Variants in CNKSR3 observed in about 807,000 individuals in gnomAD.
CNKSR3 encodes CNKSR family member 3.
A neutral mutation model predicts 67.7 loss-of-function variants in CNKSR3; 36 were observed. The observed-to-expected ratio is 0.53, with a 90% confidence interval of 0.41 to 0.70. The LOEUF (loss-of-function observed/expected upper bound fraction) is 0.70. Among genes scored for constraint, CNKSR3 ranks in the 30% least tolerant of loss-of-function variants. The probability of loss-of-function intolerance (pLI) is 0.00; values close to 1 mark genes in which losing one functional copy is unlikely to be tolerated. For missense variants in CNKSR3, 630 were observed against 695.2 expected, an observed-to-expected ratio of 0.91 and a Z score of 1.05; for synonymous variants, 281 against 271.4, an observed-to-expected ratio of 1.04 and a Z score of -0.35.
chr6:154,492,576 T>C (rs1786801178), intron 1 of CNKSR3, among the ~76,000 whole-genome samples: 2 of 151,930 alleles, frequency 1.3e-5, no homozygotes, highest in African/African-American at 2.4e-5. Context: ...TGAAACCCCA[T>C]CTCTCCTAAA....
chr6:154,401,602 C>A lies in CNKSR3; in HGVS notation c.*4752G>T, dbSNP rs1422402522. On this transcript the variant is annotated 3_prime_UTR_variant, in exon 13 of 13. Coordinates refer to ENST00000607772, the MANE Select transcript of CNKSR3 (RefSeq NM_173515.4). ...TGGCCAAGCCAATGAGCAGTCATACCAAAAGTAGTTTACTTTTAAGATGTC... is the reference window on the plus strand; with the variant it reads ...TGGCCAAGCCAATGAGCAGTCATACAAAAAGTAGTTTACTTTTAAGATGTC... 1 of 152,180 alleles carries A rather than the reference C, an allele frequency of 6.6e-6. No individual in the cohort carries two copies. The highest frequency in any genetic ancestry group is 2.4e-5 in the African/African-American group (1 of 41,438). The allele number at this position is 152,180 out of a possible 1,614,324, so 9.4% of individuals were successfully genotyped here. A position where few individuals can be genotyped will look rare whatever the true frequency, so the allele number is the denominator to read the frequency against.
At chr6:154,461,343 A>G (rs1457973677) in intron 1 of CNKSR3, among the ~76,000 whole-genome samples, 1 of 152,212 alleles carries the variant, frequency 6.6e-6, no homozygotes, top group East Asian at 1.9e-4. Context: ...TGCAGAGTCC[A>G]TTACTGAGTA....
At chr6:154,418,622 A>G (rs9478538) in intron 9 of CNKSR3, among the ~76,000 whole-genome samples, 75,008 of 151,956 alleles carry the variant, frequency 0.49, 19,255 homozygotes, top group African/African-American at 0.56. Flanking sequence ...AATTACCTAC[A>G]AGGAATTAGC....
intron 1 of CNKSR3, among the ~76,000 whole-genome samples, chr6:154,482,681 T>A (rs913540490): frequency 1.3e-5 from 2 of 152,174 alleles, no homozygotes; most frequent in Admixed American, 1.3e-4. Flanking sequence ...CAGAAGGTGC[T>A]GACCCCCAAC....
At chr6:154,476,571 C>T (rs1006733163) in intron 1 of CNKSR3, among the ~76,000 whole-genome samples, 2 of 151,854 alleles carry the variant, frequency 1.3e-5, no homozygotes, top group Admixed American at 6.6e-5. Context: ...TTTAGTAAAT[C>T]CAAAAGAGGA....
chr6:154,419,850 C>T (rs188304780), intron 9 of CNKSR3, among the ~76,000 whole-genome samples: 7 of 152,146 alleles, frequency 4.6e-5, no homozygotes, highest in East Asian at 1.9e-4. Flanking sequence ...GAGGCTGAGG[C>T]GGGCGGAACA....
intron 1 of CNKSR3, among the ~76,000 whole-genome samples, chr6:154,506,674 ACC>A: frequency 6.6e-6 from 1 of 152,354 alleles, no homozygotes; most frequent in African/African-American, 2.4e-5. Flanking sequence ...GCGCCATGGA[ACC>A]CCAATTTGGT....
In CNKSR3 at chr6:154,414,821, G is replaced by A. The variant is rs901115408; in HGVS notation, c.946-398C>T. The A allele has an allele frequency of 1.5e-5, 7 of 475,844 alleles. 1 individual carries two copies. The highest frequency in any genetic ancestry group is 6.6e-5 in the East Asian group (1 of 15,178). The allele number at this position is 475,844 out of a possible 1,614,324, so 29.5% of individuals were successfully genotyped here. On this transcript the variant is annotated intron_variant, in intron 9 of 12. Coordinates refer to ENST00000607772, the MANE Select transcript of CNKSR3 (RefSeq NM_173515.4). The stretch of plus-strand genomic sequence containing the variant: ...GAAAATTACTAGCAAGGCTGGGCAC[G>A]GCGGTTCTTGCCTGTTACCCCAGCA...
intron 1 of CNKSR3, among the ~76,000 whole-genome samples, chr6:154,494,966 C>G (rs1029636483): frequency 6.6e-6 from 1 of 152,234 alleles, no homozygotes; most frequent in African/African-American, 2.4e-5. Flanking sequence ...CATTGACATG[C>G]TGTCCTGTAG....
chr6:154,411,055 G>A lies in CNKSR3; in HGVS notation c.1158C>T (p.Ser386=), dbSNP rs1248130022. ...GTCTCCGGCTTTCCTGGTCCAAGAA[G>A]GAATTCGGGGACTCTGAACCCTTAG... The part of the protein sequence containing the change: ...PGPKGSESPN[S]FLDQESRRRR... The change falls in exon 11 of 13, where the codon TCC becomes TCT. Residue 386 remains serine, a synonymous_variant. Coordinates refer to ENST00000607772, the MANE Select transcript of CNKSR3 (RefSeq NM_173515.4). 2 of 1,614,138 alleles carry A rather than the reference G, an allele frequency of 1.2e-6. No individual in the cohort carries two copies. Among genetic ancestry groups the A allele is most frequent in the South Asian group, 2.2e-5 (2 of 91,070 alleles).
At chr6:154,483,521 T>C (rs1437634630) in intron 1 of CNKSR3, among the ~76,000 whole-genome samples, 2 of 151,742 alleles carry the variant, frequency 1.3e-5, no homozygotes, top group Non-Finnish European at 2.9e-5. Flanking sequence ...CTGGCACTTA[T>C]CCTCGAAAAC....
intron 1 of CNKSR3, among the ~76,000 whole-genome samples, chr6:154,468,548 G>C (rs1786258622): frequency 6.6e-6 from 1 of 151,884 alleles, no homozygotes; most frequent in Non-Finnish European, 1.5e-5. Context: ...GACTCTATTA[G>C]GATAATGGCT....
In CNKSR3 at chr6:154,470,499, G is replaced by T. The variant is rs534536931; in HGVS notation, c.53-20241C>A. Among the ~76,000 whole-genome samples, 135 of 152,110 alleles carry T rather than the reference G, an allele frequency of 8.9e-4. 1 individual carries two copies. Among genetic ancestry groups the T allele is most frequent in the African/African-American group, 3.2e-3 (131 of 41,516 alleles). On this transcript the variant is annotated intron_variant, in intron 1 of 12. Coordinates refer to ENST00000607772, the MANE Select transcript of CNKSR3 (RefSeq NM_173515.4). ...AATGTACTTTCTATCTCTATGATTTGCCTGTTCTGAATATTTCATATAAAT... is the reference window on the plus strand; with the variant it reads ...AATGTACTTTCTATCTCTATGATTTTCCTGTTCTGAATATTTCATATAAAT...
intron 7 of CNKSR3, 123 bp downstream of exon 7, chr6:154,428,005 C>G: frequency 1.5e-6 from 1 of 665,964 alleles, no homozygotes; most frequent in Non-Finnish European, 2.7e-6. Flanking sequence ...ATAAACAAAG[C>G]AGGTACCCAC....
At chr6:154,411,908 T>C (rs1784920625) in intron 10 of CNKSR3, among the ~76,000 whole-genome samples, 1 of 152,216 alleles carries the variant, frequency 6.6e-6, no homozygotes, top group African/African-American at 2.4e-5. Flanking sequence ...GGAACCTTTA[T>C]AGTAACCAAT....
intron 1 of CNKSR3, among the ~76,000 whole-genome samples, chr6:154,470,188 C>CTTTTTTTTT (rs869154714): frequency 1.2e-4 from 8 of 68,750 alleles, no homozygotes; most frequent in South Asian, 7.0e-4. Context: ...ACTTTCTTTC[C>CTTTTTTTTT]TTTTTTTTTT....
chr6:154,469,334 C>CGAG (rs1311461239), intron 1 of CNKSR3, among the ~76,000 whole-genome samples: 1 of 152,028 alleles, frequency 6.6e-6, no homozygotes, highest in East Asian at 1.9e-4. Context: ...ACTTTAAGCC[C>CGAG]TCCTCCCCCA....
At chr6:154,480,828 C>G (rs62432719) in intron 1 of CNKSR3, among the ~76,000 whole-genome samples, 1 of 152,056 alleles carries the variant, frequency 6.6e-6, no homozygotes, top group African/African-American at 2.4e-5. Flanking sequence ...TCTTTTAAAG[C>G]CAGGCATGAT....
chr6:154,395,821 A>G lies in CNKSR3; in HGVS notation c.*10533T>C. ...GCAATCTGGGCTTACTGCAGCCTCT[A>G]CCTCTCAGGCTCAAGAGATCCTCCC... is the stretch of plus-strand genomic sequence containing the variant. On this transcript the variant is annotated 3_prime_UTR_variant, in exon 13 of 13. Coordinates refer to ENST00000607772, the MANE Select transcript of CNKSR3 (RefSeq NM_173515.4). The G allele has an allele frequency of 6.6e-6, 1 of 152,396 alleles. No individual in the cohort carries two copies. The highest frequency in any genetic ancestry group is 1.5e-5 in the Non-Finnish European group (1 of 68,178). 9.4% of individuals were successfully genotyped at this position (152,396 alleles called of 1,614,324 possible). A position where few individuals can be genotyped will look rare whatever the true frequency, so the allele number is the denominator to read the frequency against.
Sources: gnomAD v4.1 joint callset for allele counts (sites outside exome capture counted in the v4.1 genomes callset) on GRCh38, gnomAD v4.1.1 for gene constraint, MANE v1.5 for transcripts, NCBI Gene and HGNC (gene_info 2026-07-23, HGNC 2026-07-21) for gene names.